CRISPLD1: variants seen among roughly 807,000 people sequenced by gnomAD.
The protein encoded by CRISPLD1 is cysteine-rich secretory protein LCCL domain-containing 1.
CRISPLD1 carries 60 observed loss-of-function variants against 77.5 expected under a neutral mutation model. The observed-to-expected ratio is 0.77, with a 90% CI of 0.63 to 0.96. The LOEUF (loss-of-function observed/expected upper bound fraction) is 0.96, where lower values mean the gene tolerates loss of function less well. CRISPLD1 is among the 40% of genes least tolerant of loss of function. The pLI is 0.00. For synonymous variants in CRISPLD1, 195 were observed against 200.1 expected (o/e 0.97, Z 0.22); for missense variants, 623 against 615.8 (o/e 1.01, Z -0.12).
intron 2 of CRISPLD1, among the ~76,000 whole-genome samples, chr8:75,007,163 C>G (rs1812846586): frequency 6.6e-6 from 1 of 151,916 alleles, no homozygotes; most frequent in South Asian, 2.1e-4. Flanking sequence ...AAAGAGTAAA[C>G]AAGCCCCAGG....
In CRISPLD1 at chr8:74,984,758, C is replaced by G. The variant is rs541778896; in HGVS notation, c.-225C>G. On this transcript the variant is annotated 5_prime_UTR_variant, in exon 1 of 15. Transcript: ENST00000262207. ...AGGGAGCCGCAGAGGCGGAGGCTCG[C>G]GTATTCCTGCAGTCAGCACCCACGT... 1 of 152,312 alleles carries G rather than the reference C, an allele frequency of 6.6e-6. No homozygotes were observed. The highest frequency in any genetic ancestry group is 2.1e-4 in the South Asian group (1 of 4,834). The allele number at this position is 152,312 out of a possible 1,614,324, so 9.4% of individuals were successfully genotyped here.
chr8:74,989,882 A>G (rs946083307), intron 2 of CRISPLD1, among the ~76,000 whole-genome samples: 7 of 152,152 alleles, frequency 4.6e-5, no homozygotes, highest in African/African-American at 1.4e-4. Flanking sequence ...CAGGTCTTAC[A>G]TGTAAGTCTT....
In CRISPLD1 at chr8:75,032,144, A is replaced by G. The variant is rs373189834; in HGVS notation, c.1452-47A>G. The stretch of plus-strand genomic sequence containing the variant: ...GCATGATTTGTAAGAAGGATTATGT[A>G]TAGAGATGACATCAATATACTTTTC... On this transcript the variant is annotated intron_variant, in intron 14 of 14. Coordinates refer to ENST00000262207, the MANE Select transcript of CRISPLD1 (RefSeq NM_031461.6). 7.0e-5 allele frequency: 91 copies of G among 1,307,704 alleles called. No individual in the cohort carries two copies. In the African/African-American group the frequency reaches 9.5e-4, roughly 14 times the overall value. The allele number at this position is 1,307,704 out of a possible 1,614,324, so 81.0% of individuals were successfully genotyped here.
intron 13 of CRISPLD1, among the ~76,000 whole-genome samples, chr8:75,027,104 T>A (rs188733641): frequency 2.0e-5 from 3 of 152,310 alleles, no homozygotes; most frequent in Non-Finnish European, 4.4e-5. Flanking sequence ...TTTTGGCACT[T>A]AGCCTGTTGT....
At position 75,033,523 on chromosome 8, in the gene CRISPLD1, G is replaced by T. The variant is rs751093152; in HGVS notation, c.*1281G>T. The T allele has an allele frequency of 2.6e-5, 4 of 151,880 alleles. No homozygotes were observed. Among genetic ancestry groups the T allele is most frequent in the African/African-American group, 4.8e-5 (2 of 41,394 alleles). 9.4% of individuals were successfully genotyped at this position (151,880 alleles called of 1,614,324 possible). On this transcript the variant is annotated 3_prime_UTR_variant, in exon 15 of 15. Coordinates refer to ENST00000262207, the MANE Select transcript of CRISPLD1 (RefSeq NM_031461.6). ...GCAAGGGAGATTTTGAATAAAGAGA[G>T]AGATGAATTTATAAAGTAGGAAAAA...
At chr8:74,994,830 T>C (rs149035962) in intron 2 of CRISPLD1, among the ~76,000 whole-genome samples, 29 of 152,326 alleles carry the variant, frequency 1.9e-4, no homozygotes, top group Admixed American at 3.9e-4. Flanking sequence ...GGGGTATAGC[T>C]GTACAGTTTG....
chr8:74,990,368 T>C (rs10216950), intron 2 of CRISPLD1, among the ~76,000 whole-genome samples: 47,621 of 151,894 alleles, frequency 0.31, 8,372 homozygotes, highest in African/African-American at 0.49. Context: ...TTTCTTCAAG[T>C]GTTTGCCGTA....
At chr8:74,990,739 C>G (rs1812559850) in intron 2 of CRISPLD1, among the ~76,000 whole-genome samples, 1 of 149,704 alleles carries the variant, frequency 6.7e-6, no homozygotes. Flanking sequence ...ATTAATATCA[C>G]TAACATCTTC....
intron 2 of CRISPLD1, among the ~76,000 whole-genome samples, chr8:74,987,606 AGG>A (rs1812515346): frequency 1.3e-5 from 2 of 152,230 alleles, no homozygotes; most frequent in Admixed American, 1.3e-4. Context: ...AATACTGTGC[AGG>A]ATATGACATC....
chr8:75,006,300 T>A (rs1293101764), intron 2 of CRISPLD1, among the ~76,000 whole-genome samples: 1 of 152,204 alleles, frequency 6.6e-6, no homozygotes, highest in Admixed American at 6.6e-5. Flanking sequence ...GAATTCTTTT[T>A]GGCATTTATC....
At chr8:75,004,270 A>G (rs191160680) in intron 2 of CRISPLD1, among the ~76,000 whole-genome samples, 1 of 152,276 alleles carries the variant, frequency 6.6e-6, no homozygotes, top group African/African-American at 2.4e-5. Context: ...TACAAAGTCT[A>G]TTCAGAATGG....
intron 2 of CRISPLD1, among the ~76,000 whole-genome samples, chr8:75,001,110 TAA>T (rs367670983): frequency 1.1e-4 from 16 of 152,198 alleles, no homozygotes; most frequent in African/African-American, 3.1e-4. Flanking sequence ...AATAAAAATA[TAA>T]AGTCATGTAA....
intron 2 of CRISPLD1, among the ~76,000 whole-genome samples, chr8:74,993,511 T>G (rs1458430807): frequency 6.6e-6 from 1 of 152,212 alleles, no homozygotes; most frequent in Admixed American, 6.5e-5. Context: ...AGTATCATTT[T>G]CTACAGAATT....
intron 2 of CRISPLD1, among the ~76,000 whole-genome samples, chr8:74,996,792 C>T (rs1281465413): frequency 7.1e-6 from 1 of 140,120 alleles, no homozygotes; most frequent in African/African-American, 2.7e-5. Context: ...AATGATGGCT[C>T]ACTGCAGCAT....
chr8:75,002,925 A>C (rs560909143), intron 2 of CRISPLD1, among the ~76,000 whole-genome samples: 1 of 152,204 alleles, frequency 6.6e-6, no homozygotes, highest in Non-Finnish European at 1.5e-5. Flanking sequence ...TTCTTTAAAA[A>C]ATCATCCTTT....
intron 2 of CRISPLD1, among the ~76,000 whole-genome samples, chr8:74,992,655 T>C (rs1052922329): frequency 2.0e-5 from 3 of 152,088 alleles, no homozygotes; most frequent in Non-Finnish European, 4.4e-5. Context: ...TACTGGGGGG[T>C]TGATTGCTAT....
intron 2 of CRISPLD1, among the ~76,000 whole-genome samples, chr8:74,993,623 T>C: frequency 6.6e-6 from 1 of 152,084 alleles, no homozygotes. Context: ...ACAATACCTA[T>C]AGAAAAAAAA....
intron 13 of CRISPLD1, among the ~76,000 whole-genome samples, chr8:75,027,782 A>G (rs900828629): frequency 6.6e-6 from 1 of 152,126 alleles, no homozygotes; most frequent in Non-Finnish European, 1.5e-5. Context: ...CTTTCCTTCC[A>G]TTTATAGAGC....
chr8:75,011,123 T>TTTA (rs373843096), intron 2 of CRISPLD1, among the ~76,000 whole-genome samples: 1,797 of 151,156 alleles, frequency 0.012, 15 homozygotes, highest in Non-Finnish European at 0.016. Context: ...TTTTTGTATC[T>TTTA]TTATTATTAT....
Sources: allele counts gnomAD v4.1 joint callset (sites outside exome capture counted in the v4.1 genomes callset), GRCh38; gene constraint gnomAD v4.1.1; transcripts MANE v1.5; gene names NCBI Gene and HGNC (gene_info 2026-07-23, HGNC 2026-07-21).